The following NCK2 variants were observed in gnomAD, a reference collection of about 807,000 sequenced individuals.
NCK2 encodes the protein NCK adaptor protein 2.
NCK2 carries 16 observed loss-of-function variants against 33.9 expected under a neutral mutation model. The observed-to-expected ratio is 0.47, with a 90% CI of 0.32 to 0.72. The LOEUF (loss-of-function observed/expected upper bound fraction) is 0.72, where lower values mean the gene tolerates loss of function less well. Ranked by LOEUF, NCK2 falls within the 30% of genes least tolerant of loss-of-function variation. The probability of loss-of-function intolerance (pLI) is 0.03; values close to 1 mark genes in which losing one functional copy is unlikely to be tolerated. For missense variants in NCK2, 418 were observed against 537.3 expected (o/e 0.78, Z 2.19); for synonymous variants, 273 against 239.9 (o/e 1.14, Z -1.27).
intron 1 of NCK2, among the ~76,000 whole-genome samples, chr2:105,766,077 A>G (rs1428733969): frequency 6.6e-6 from 1 of 152,218 alleles, no homozygotes; most frequent in Admixed American, 6.5e-5. Context: ...GCTACCATGG[A>G]TAGTAGAAAT....
At chr2:105,813,647 G>A (rs765441804) in intron 1 of NCK2, among the ~76,000 whole-genome samples, 10 of 152,206 alleles carry the variant, frequency 6.6e-5, no homozygotes, top group Non-Finnish European at 1.2e-4. Context: ...CTGGCCCTGC[G>A]CCTGGGACAA....
At chr2:105,758,813 T>TA (rs1434803400) in intron 1 of NCK2, among the ~76,000 whole-genome samples, 1 of 152,238 alleles carries the variant, frequency 6.6e-6, no homozygotes, top group Non-Finnish European at 1.5e-5. Flanking sequence ...GCTCTGACAG[T>TA]AAGTTGTTAC....
chr2:105,751,345 A>G (rs916718776), intron 1 of NCK2, among the ~76,000 whole-genome samples: 1 of 152,174 alleles, frequency 6.6e-6, no homozygotes, highest in African/African-American at 2.4e-5. Flanking sequence ...TCCCCTGGAC[A>G]TCAAAACCAC....
chr2:105,802,561 G>A (rs968854479), intron 1 of NCK2, among the ~76,000 whole-genome samples: 2 of 152,188 alleles, frequency 1.3e-5, no homozygotes, highest in African/African-American at 4.8e-5. Context: ...ATCCCATGGC[G>A]AGAACACGGA....
At chr2:105,814,101 G>C (rs1382927049) in intron 1 of NCK2, among the ~76,000 whole-genome samples, 2 of 152,166 alleles carry the variant, frequency 1.3e-5, no homozygotes, top group Non-Finnish European at 2.9e-5. Flanking sequence ...CTTTCCTGAT[G>C]GATTTCGATC....
chr2:105,779,694 T>A (rs79778497), intron 1 of NCK2, among the ~76,000 whole-genome samples: 1 of 150,938 alleles, frequency 6.6e-6, no homozygotes, highest in African/African-American at 2.4e-5. Flanking sequence ...GAGCTTTGAT[T>A]TTTTTTTTTC....
intron 2 of NCK2, among the ~76,000 whole-genome samples, chr2:105,841,489 C>T (rs1250090545): frequency 1.3e-5 from 2 of 152,154 alleles, no homozygotes; most frequent in Non-Finnish European, 2.9e-5. Context: ...GGAACCTCCC[C>T]GTGTTCAGAT....
At chr2:105,882,117 C>G in intron 4 of NCK2, 68 bp downstream of exon 4, 1 of 1,410,556 alleles carries the variant, frequency 7.1e-7, no homozygotes, top group Non-Finnish European at 9.2e-7. Flanking sequence ...GGTCTGTGTG[C>G]CGCGCCCTTT....
chr2:105,842,689 A>G (rs898196744), intron 2 of NCK2, among the ~76,000 whole-genome samples: 6 of 152,074 alleles, frequency 3.9e-5, no homozygotes, highest in African/African-American at 1.2e-4. Flanking sequence ...GGGTACAAGT[A>G]ATTATACATG....
At chr2:105,772,895 A>C (rs1257732159) in intron 1 of NCK2, among the ~76,000 whole-genome samples, 1 of 133,120 alleles carries the variant, frequency 7.5e-6, no homozygotes. Context: ...ACGTGTCCAC[A>C]TTTTTTTTTT....
chr2:105,763,532 A>T (rs536847066), intron 1 of NCK2, among the ~76,000 whole-genome samples: 1 of 152,358 alleles, frequency 6.6e-6, no homozygotes, highest in South Asian at 2.1e-4. Context: ...ATTTTATTTA[A>T]TTAAGTTGTC....
At chr2:105,851,518 A>G (rs750353533) in intron 2 of NCK2, among the ~76,000 whole-genome samples, 37 of 152,050 alleles carry the variant, frequency 2.4e-4, no homozygotes, top group Non-Finnish European at 4.3e-4. Context: ...GGGGCTCCCA[A>G]AGTGCTGGGA....
intron 2 of NCK2, among the ~76,000 whole-genome samples, chr2:105,840,534 T>C (rs1396214796): frequency 6.6e-6 from 1 of 152,204 alleles, no homozygotes; most frequent in East Asian, 1.9e-4. Flanking sequence ...AATTCAGCTC[T>C]GACACTGTTG....
At chr2:105,786,580 G>A (rs1406267856) in intron 1 of NCK2, among the ~76,000 whole-genome samples, 1 of 152,158 alleles carries the variant, frequency 6.6e-6, no homozygotes, top group Non-Finnish European at 1.5e-5. Context: ...TGCCGGCCTC[G>A]CGCGGTTATG....
intron 1 of NCK2, among the ~76,000 whole-genome samples, chr2:105,791,900 G>A (rs1486155478): frequency 1.3e-5 from 2 of 152,180 alleles, no homozygotes; most frequent in African/African-American, 4.8e-5. Context: ...TTTGGGAGGA[G>A]CAGAGGTCAA....
intron 2 of NCK2, among the ~76,000 whole-genome samples, chr2:105,819,135 C>A (rs1675627293): frequency 6.6e-6 from 1 of 152,166 alleles, no homozygotes; most frequent in Admixed American, 6.5e-5. Flanking sequence ...ACTCACACTG[C>A]ATACCTGACT....
At chr2:105,755,241 C>G (rs968167160) in intron 1 of NCK2, among the ~76,000 whole-genome samples, 1 of 152,050 alleles carries the variant, frequency 6.6e-6, no homozygotes, top group Admixed American at 6.6e-5. Flanking sequence ...CAAGACCCAG[C>G]GGTAACTGTG....
intron 1 of NCK2, among the ~76,000 whole-genome samples, chr2:105,807,245 G>A (rs553743017): frequency 2.6e-5 from 4 of 152,188 alleles, no homozygotes; most frequent in African/African-American, 7.2e-5. Flanking sequence ...GGGAAGGGCC[G>A]CCCTCGCAGA....
intron 1 of NCK2, among the ~76,000 whole-genome samples, chr2:105,757,720 T>C (rs921804664): frequency 5.3e-5 from 8 of 152,134 alleles, no homozygotes; most frequent in African/African-American, 1.7e-4. Context: ...GTATGGAAAA[T>C]AACTTTCGCC....
Sources: gnomAD v4.1 joint callset for allele counts (sites outside exome capture counted in the v4.1 genomes callset) on GRCh38, gnomAD v4.1.1 for gene constraint, MANE v1.5 for transcripts, NCBI Gene and HGNC (gene_info 2026-07-23, HGNC 2026-07-21) for gene names.